RAD51B: variants seen among roughly 807,000 people sequenced by gnomAD.
The protein encoded by RAD51B is RAD51 paralog B, also known as DNA repair protein RAD51 homolog 2.
RAD51B carries 38 observed loss-of-function variants against 42.2 expected under a neutral mutation model. The observed-to-expected ratio is 0.90, with a 90% CI of 0.70 to 1.18. The LOEUF (loss-of-function observed/expected upper bound fraction) is 1.18. RAD51B is among the 50% of genes most tolerant of loss of function. RAD51B has a pLI of 0.00. For missense variants in RAD51B, 373 were observed against 400.7 expected, an observed-to-expected ratio of 0.93 and a Z score of 0.59; for synonymous variants, 154 against 145.2, an observed-to-expected ratio of 1.06 and a Z score of -0.43.
intron 10 of RAD51B, among the ~76,000 whole-genome samples, chr14:68,629,141 A>G (rs1892166004): frequency 6.6e-6 from 1 of 151,994 alleles, no homozygotes; most frequent in Admixed American, 6.5e-5. Flanking sequence ...AAATCACACC[A>G]TTCTTGGTTT....
intron 7 of RAD51B, among the ~76,000 whole-genome samples, chr14:68,134,868 T>C (rs1267368466): frequency 6.6e-6 from 1 of 152,064 alleles, no homozygotes; most frequent in Non-Finnish European, 1.5e-5. Context: ...TTTTCTCCCA[T>C]TCTGTAAACT....
chr14:67,873,344 C>T (rs1202941482), intron 5 of RAD51B, among the ~76,000 whole-genome samples: 2 of 152,070 alleles, frequency 1.3e-5, no homozygotes, highest in South Asian at 2.1e-4. Flanking sequence ...AAAATGCTCA[C>T]CATCACTGGC....
intron 7 of RAD51B, among the ~76,000 whole-genome samples, chr14:68,121,662 T>A (rs112869406): frequency 0.013 from 2,011 of 151,946 alleles, 48 homozygotes; most frequent in African/African-American, 0.046. Flanking sequence ...AAAAAGAAAT[T>A]AGAAATAAAA....
chr14:68,324,352 G>C (rs1054972779), intron 8 of RAD51B, among the ~76,000 whole-genome samples: 6 of 152,170 alleles, frequency 3.9e-5, no homozygotes, highest in African/African-American at 1.4e-4. Context: ...ATCCCCTGCT[G>C]TCATGGGCAC....
chr14:68,218,507 ATC>A (rs2079859769), intron 7 of RAD51B, among the ~76,000 whole-genome samples: 1 of 152,212 alleles, frequency 6.6e-6, no homozygotes, highest in South Asian at 2.1e-4. Flanking sequence ...AAGCCTGCTA[ATC>A]TCTGTGTGAT....
intron 10 of RAD51B, among the ~76,000 whole-genome samples, chr14:68,474,195 A>G (rs918961087): frequency 1.3e-5 from 2 of 152,020 alleles, no homozygotes; most frequent in African/African-American, 2.4e-5. Context: ...CACTAGGTAT[A>G]TATAAAAAAT....
At chr14:68,470,526 G>C (rs1395141580) in intron 10 of RAD51B, 10 of 492,422 alleles carry the variant, frequency 2.0e-5, no homozygotes, top group Non-Finnish European at 4.0e-5. Flanking sequence ...TTGTCAGCTG[G>C]AAAATGAAAA....
At chr14:68,365,910 C>CT (rs1314991023) in intron 8 of RAD51B, among the ~76,000 whole-genome samples, 1 of 151,778 alleles carries the variant, frequency 6.6e-6, no homozygotes. Context: ...CATTTCCTGA[C>CT]TTTTTTTTAG....
chr14:68,675,088 G>A (rs1227601118), intron 11 of RAD51B, among the ~76,000 whole-genome samples: 1 of 152,124 alleles, frequency 6.6e-6, no homozygotes, highest in Admixed American at 6.5e-5. Context: ...AGATAGCAAG[G>A]GAAAGTAGAC....
intron 7 of RAD51B, among the ~76,000 whole-genome samples, chr14:68,156,224 A>G (rs1427305554): frequency 6.6e-6 from 1 of 152,156 alleles, no homozygotes; most frequent in Non-Finnish European, 1.5e-5. Context: ...TTGTGTGTGC[A>G]TGCGCCAAGT....
chr14:68,425,968 CTTTCTTT>C (rs1566876457), intron 9 of RAD51B, among the ~76,000 whole-genome samples: 27 of 120,122 alleles, frequency 2.2e-4, no homozygotes, highest in East Asian at 9.1e-4. Flanking sequence ...TTCTTTCTTT[CTTTCTTT>C]CTTCCTTCCT....
intron 5 of RAD51B, among the ~76,000 whole-genome samples, chr14:67,883,054 T>C (rs1402594654): frequency 6.6e-6 from 1 of 152,240 alleles, no homozygotes; most frequent in Non-Finnish European, 1.5e-5. Context: ...CAAGAAATTC[T>C]TTCAGCTCCT....
chr14:68,310,534 A>T (rs1329338325), intron 8 of RAD51B, among the ~76,000 whole-genome samples: 1 of 152,114 alleles, frequency 6.6e-6, no homozygotes, highest in African/African-American at 2.4e-5. Context: ...GTGAGGGGGA[A>T]GGGGGCAGTC....
chr14:68,347,552 C>G (rs117792274), intron 8 of RAD51B, among the ~76,000 whole-genome samples: 1 of 152,162 alleles, frequency 6.6e-6, no homozygotes, highest in Non-Finnish European at 1.5e-5. Context: ...GGCATGGTGG[C>G]GTGTGCCTCC....
chr14:67,997,966 T>A (rs2075414793), intron 7 of RAD51B, among the ~76,000 whole-genome samples: 1 of 152,202 alleles, frequency 6.6e-6, no homozygotes. Flanking sequence ...TGTTGAGCTT[T>A]CTTCTAGGAA....
chr14:68,669,409 G>T (rs1360386143), intron 11 of RAD51B, among the ~76,000 whole-genome samples: 1 of 152,164 alleles, frequency 6.6e-6, no homozygotes, highest in Non-Finnish European at 1.5e-5. Context: ...CTGCAGAATG[G>T]CCCTGGACTG....
At chr14:68,376,567 T>C (rs147685158) in intron 8 of RAD51B, among the ~76,000 whole-genome samples, 5 of 152,310 alleles carry the variant, frequency 3.3e-5, no homozygotes, top group African/African-American at 1.2e-4. Flanking sequence ...AGATTTCTTG[T>C]AAAAGTCACA....
intron 10 of RAD51B, among the ~76,000 whole-genome samples, chr14:68,606,174 C>T (rs528587766): frequency 6.6e-6 from 1 of 152,280 alleles, no homozygotes; most frequent in Admixed American, 6.5e-5. Context: ...AGCCTAGGAC[C>T]GGAACAACTG....
chr14:68,102,287 C>G (rs1011683046), intron 7 of RAD51B, among the ~76,000 whole-genome samples: 3 of 152,200 alleles, frequency 2.0e-5, no homozygotes, highest in Non-Finnish European at 2.9e-5. Flanking sequence ...CTCCTTGCTA[C>G]TTAAGCAAAT....
Sources: gnomAD v4.1 joint callset for allele counts (sites outside exome capture counted in the v4.1 genomes callset) on GRCh38, gnomAD v4.1.1 for gene constraint, MANE v1.5 for transcripts, NCBI Gene and HGNC (gene_info 2026-07-23, HGNC 2026-07-21) for gene names.